The following ROPN1L variants were observed in gnomAD, a reference collection of about 807,000 sequenced individuals.
ROPN1L encodes the protein ropporin-1-like protein.
A neutral mutation model predicts 22.7 loss-of-function variants in ROPN1L; 23 were observed. That is an observed-to-expected ratio of 1.01 (90% CI 0.73 to 1.43). ROPN1L has a LOEUF of 1.43. Among genes scored for constraint, ROPN1L ranks in the 40% most tolerant of loss-of-function variants. The probability of loss-of-function intolerance (pLI) is 0.00; values close to 1 mark genes in which losing one functional copy is unlikely to be tolerated. For missense variants in ROPN1L, 271 were observed against 291.5 expected, an observed-to-expected ratio of 0.93 and a Z score of 0.51; for synonymous variants, 116 against 117.8, an observed-to-expected ratio of 0.98 and a Z score of 0.10.
At chr5:10,446,844 G>T (rs1024721359) in intron 1 of ROPN1L, among the ~76,000 whole-genome samples, 10 of 152,128 alleles carry the variant, frequency 6.6e-5, no homozygotes, top group African/African-American at 2.4e-4. Context: ...TGAAAACCTT[G>T]ATTAGTAGGA....
chr5:10,457,034 G>A (rs555560484), intron 3 of ROPN1L, among the ~76,000 whole-genome samples: 1 of 152,346 alleles, frequency 6.6e-6, no homozygotes, highest in African/African-American at 2.4e-5. Flanking sequence ...AGAGTTTCAA[G>A]CAAGGAACAT....
At chr5:10,475,649 C>T (rs527791042), downstream of ROPN1L, among the ~76,000 whole-genome samples, 1 of 152,286 alleles carries the variant, frequency 6.6e-6, no homozygotes, top group East Asian at 1.9e-4. Context: ...CCAAGTTAAG[C>T]AGACAGAGCA....
intron 4 of ROPN1L, among the ~76,000 whole-genome samples, chr5:10,462,546 A>G (rs1433417896): frequency 6.6e-6 from 1 of 152,214 alleles, no homozygotes; most frequent in Non-Finnish European, 1.5e-5. Context: ...TCCCAGATCT[A>G]TCCTGATTCC....
At position 10,450,038 on chromosome 5, in the gene ROPN1L, C is replaced by G; in HGVS notation, c.342C>G (p.Leu114=). Residue 114 remains leucine (L), a synonymous_variant, in exon 3 of 5, where the codon CTC becomes CTG. Transcript: ENST00000274134. The part of the protein sequence containing the change: ...LCLPKEKFKA[L]LQLDPCENKI... ...TGCCGAAGGAAAAATTCAAAGCGCTCTTACAACTGGATCCTTGTGAAAACA... is the reference window on the plus strand; with the variant it reads ...TGCCGAAGGAAAAATTCAAAGCGCTGTTACAACTGGATCCTTGTGAAAACA... The G allele has an allele frequency of 6.2e-7, 1 of 1,613,954 alleles. No homozygotes were observed. Among genetic ancestry groups the G allele is most frequent in the Non-Finnish European group, 8.5e-7 (1 of 1,179,952 alleles).
At chr5:10,464,281 C>T (rs1735108279) in intron 4 of ROPN1L, among the ~76,000 whole-genome samples, 1 of 152,196 alleles carries the variant, frequency 6.6e-6, no homozygotes, top group Admixed American at 6.5e-5. Flanking sequence ...TCCCTTCTGT[C>T]CGCCTTATTC....
downstream of ROPN1L, among the ~76,000 whole-genome samples, chr5:10,474,960 A>G (rs1266076722): frequency 1.3e-5 from 2 of 152,238 alleles, no homozygotes; most frequent in African/African-American, 4.8e-5. Flanking sequence ...TCTAAAGAAA[A>G]TAGAGAACAG....
At chr5:10,458,325 T>C (rs2126456422) in intron 3 of ROPN1L, among the ~76,000 whole-genome samples, 1 of 152,042 alleles carries the variant, frequency 6.6e-6, no homozygotes, top group South Asian at 2.1e-4. Flanking sequence ...TCCCCAGCTC[T>C]TGGTGGTATA....
chr5:10,460,380 C>T (rs1489726355), intron 3 of ROPN1L, among the ~76,000 whole-genome samples: 1 of 152,264 alleles, frequency 6.6e-6, no homozygotes, highest in Admixed American at 6.5e-5. Flanking sequence ...GTTCCAGCGC[C>T]ATGCAGCCTC....
rs754665319 is a variant in ROPN1L, at chr5:10,461,141, AG to A, written c.418-41del. The A allele has an allele frequency of 3.8e-6, 6 of 1,567,574 alleles. No homozygotes were observed. In the African/African-American group the frequency reaches 5.4e-5, roughly 14 times the overall value. On this transcript the variant is annotated intron_variant, in intron 3 of 4. Coordinates refer to ENST00000274134, the MANE Select transcript of ROPN1L (RefSeq NM_031916.5). ...GCCTGCTTTCAATGTGAGTGATGCC[AG>A]GAGTAACTGTTTTTCTCCCCACCTG... is the stretch of plus-strand genomic sequence containing the variant.
intron 3 of ROPN1L, among the ~76,000 whole-genome samples, chr5:10,456,380 C>G (rs928376319): frequency 2.6e-5 from 4 of 152,150 alleles, no homozygotes; most frequent in Admixed American, 6.5e-5. Flanking sequence ...CCCAGCTATT[C>G]AGGAGGCTGA....
At position 10,463,982 on chromosome 5, in the gene ROPN1L, A is replaced by G. The variant is rs182718895; in HGVS notation, c.594-866A>G. On this transcript the variant is annotated intron_variant, in intron 4 of 4. Coordinates refer to ENST00000274134, the MANE Select transcript of ROPN1L (RefSeq NM_031916.5). ...TTTCCAACCGGCCATGATGCCACCT[A>G]GGATGCAGGCCACAGCACCAGGAGC... Among the ~76,000 whole-genome samples, 248 of 152,212 alleles carry G rather than the reference A, an allele frequency of 1.6e-3. 1 individual carries two copies. Among genetic ancestry groups the G allele is most frequent in the Non-Finnish European group, 3.1e-3 (208 of 67,994 alleles).
downstream of ROPN1L, among the ~76,000 whole-genome samples, chr5:10,476,849 G>A (rs376162347): frequency 4.6e-5 from 7 of 152,328 alleles, no homozygotes; most frequent in African/African-American, 1.4e-4. Context: ...TTAAAGAGAC[G>A]AAATGGAGGC....
chr5:10,468,998 AC>A (rs1735202378), downstream of ROPN1L, among the ~76,000 whole-genome samples: 1 of 152,054 alleles, frequency 6.6e-6, no homozygotes, highest in African/African-American at 2.4e-5. Flanking sequence ...TACTAAAAAT[AC>A]AAAAAATTAG....
chr5:10,442,630 T>TA (rs1179984131), intron 1 of ROPN1L, among the ~76,000 whole-genome samples: 8 of 152,348 alleles, frequency 5.3e-5, no homozygotes, highest in Admixed American at 2.6e-4. Flanking sequence ...TACATTATGT[T>TA]AAAAAAATTA....
At chr5:10,460,165 TG>T (rs1185574285) in intron 3 of ROPN1L, among the ~76,000 whole-genome samples, 24 of 147,466 alleles carry the variant, frequency 1.6e-4, no homozygotes, top group African/African-American at 6.2e-4. Context: ...CTGCAGGTCA[TG>T]ATGTCTTGGT....
At chr5:10,469,360 G>A (rs1311348721), downstream of ROPN1L, among the ~76,000 whole-genome samples, 2 of 149,514 alleles carry the variant, frequency 1.3e-5, no homozygotes, top group African/African-American at 2.5e-5. Context: ...GGTGGCATAC[G>A]CCTGTGGTCC....
chr5:10,448,868 C>T (rs1741165040), intron 2 of ROPN1L, among the ~76,000 whole-genome samples: 1 of 152,198 alleles, frequency 6.6e-6, no homozygotes, highest in African/African-American at 2.4e-5. Flanking sequence ...CCTGGGCCCC[C>T]TTCCTGCCTT....
rs1741135729 is a variant in ROPN1L at position 10,448,250 on chromosome 5, T to A, written c.132-10T>A. Reference sequence around the variant, plus strand: ...TTGATGAGCTTTCAGAGATGTCTGTTATTTATTAGCTATTTTTCAGCTCTG... The same window carrying A: ...TTGATGAGCTTTCAGAGATGTCTGTAATTTATTAGCTATTTTTCAGCTCTG... On this transcript the variant is annotated splice_polypyrimidine_tract_variant and intron_variant, in intron 1 of 4. Coordinates refer to ENST00000274134, the MANE Select transcript of ROPN1L (RefSeq NM_031916.5). The A allele has an allele frequency of 6.2e-7, 1 of 1,613,816 alleles. No homozygotes were observed. Among genetic ancestry groups the A allele is most frequent in the Non-Finnish European group, 8.5e-7 (1 of 1,179,916 alleles).
At chr5:10,469,134 G>A (rs1177480776), downstream of ROPN1L, among the ~76,000 whole-genome samples, 4 of 152,040 alleles carry the variant, frequency 2.6e-5, no homozygotes, top group South Asian at 4.1e-4. Flanking sequence ...CAGCCTGGGC[G>A]ACAGAGCAAC....
Sources: allele counts gnomAD v4.1 joint callset (sites outside exome capture counted in the v4.1 genomes callset), GRCh38; gene constraint gnomAD v4.1.1; transcripts MANE v1.5; gene names NCBI Gene and HGNC (gene_info 2026-07-23, HGNC 2026-07-21).